VWA8: variants seen among roughly 807,000 people sequenced by gnomAD.
VWA8 encodes the protein von Willebrand factor A domain containing 8.
In VWA8, 221 loss-of-function variants were observed where a neutral mutation model predicts 241.5. The ratio of observed to expected loss-of-function variants is 0.91; its 90% confidence interval spans 0.82 to 1.02. VWA8 has a LOEUF of 1.02. Ranked by LOEUF, VWA8 falls within the 50% of genes least tolerant of loss-of-function variation. The pLI is 0.00. For synonymous variants in VWA8, 852 were observed against 827.1 expected, an observed-to-expected ratio of 1.03 and a Z score of -0.52; for missense variants, 2,322 against 2,328.7, an observed-to-expected ratio of 1.00 and a Z score of 0.06.
intron 9 of VWA8, among the ~76,000 whole-genome samples, chr13:41,880,993 T>C (rs1269850118): frequency 6.6e-6 from 1 of 152,218 alleles, no homozygotes; most frequent in African/African-American, 2.4e-5. Context: ...TTTTTCTATT[T>C]ATGTAATTCC....
At chr13:41,763,250 C>T (rs1390094475) in intron 20 of VWA8, among the ~76,000 whole-genome samples, 3 of 151,628 alleles carry the variant, frequency 2.0e-5, no homozygotes, top group Non-Finnish European at 4.4e-5. Context: ...GATCACACCA[C>T]TACATTACAG....
intron 10 of VWA8, 25 bp from the exon 11 acceptor site, chr13:41,866,061 A>T: frequency 6.2e-7 from 1 of 1,610,064 alleles, no homozygotes; most frequent in Non-Finnish European, 8.5e-7. Context: ...AGGTCAATAT[A>T]ACATGGCCAG....
In VWA8 at chr13:41,907,605, G is replaced by A. The variant is rs1470276403; in HGVS notation, c.464C>T (p.Thr155Ile). ...ACTTGCCTGATCAATGTAAAAGGCT[G>A]TGCCTGCACGGATCTCTCGTCGCTG... ...LKQRREIRAGTAFYIDQCAVR... is the reference protein window; with the variant it reads ...LKQRREIRAGIAFYIDQCAVR... The change falls in exon 4 of 45, where the codon ACA becomes ATA. Residue 155 changes from threonine (T) to isoleucine (I), a missense_variant. Thr to Ile is a moderately conservative substitution (Grantham distance 89). Coordinates refer to ENST00000379310, the MANE Select transcript of VWA8 (RefSeq NM_015058.2). 1 of 1,614,172 alleles carries A rather than the reference G, an allele frequency of 6.2e-7. No homozygotes were observed. The highest frequency in any genetic ancestry group is 8.5e-7 in the Non-Finnish European group (1 of 1,180,002).
intron 10 of VWA8, among the ~76,000 whole-genome samples, chr13:41,867,417 T>C (rs1295759830): frequency 6.6e-6 from 1 of 152,168 alleles, no homozygotes; most frequent in Non-Finnish European, 1.5e-5. Flanking sequence ...ACAGAGAGTA[T>C]AGTGGGGAAC....
At chr13:41,858,894 A>C (rs1872877845) in intron 12 of VWA8, among the ~76,000 whole-genome samples, 1 of 152,090 alleles carries the variant, frequency 6.6e-6, no homozygotes, top group East Asian at 1.9e-4. Flanking sequence ...GCAAGAAAAC[A>C]AGATGAGCTA....
At chr13:41,573,483 AAAAATATAT>A (rs1168766976) in intron 43 of VWA8, among the ~76,000 whole-genome samples, 1 of 128,588 alleles carries the variant, frequency 7.8e-6, no homozygotes, top group African/African-American at 3.1e-5. Context: ...TTAAAAAAAA[AAAAATATAT>A]ATATATATAT....
chr13:41,606,373 A>G (rs913629607), intron 39 of VWA8, among the ~76,000 whole-genome samples: 18 of 152,288 alleles, frequency 1.2e-4, no homozygotes, highest in Non-Finnish European at 1.3e-4. Context: ...CCGTCAGTAG[A>G]AAGTTCAGAG....
chr13:41,721,742 A>G (rs900502425), intron 24 of VWA8, among the ~76,000 whole-genome samples, 167 bp from the exon 25 acceptor site: 1 of 152,180 alleles, frequency 6.6e-6, no homozygotes, highest in Admixed American at 6.6e-5. Flanking sequence ...GAAGCAAAAG[A>G]AAAGAAAACT....
intron 2 of VWA8, among the ~76,000 whole-genome samples, chr13:41,915,518 T>C (rs1049429194): frequency 6.6e-6 from 1 of 152,268 alleles, no homozygotes; most frequent in Non-Finnish European, 1.5e-5. Flanking sequence ...CTGCCCAGTA[T>C]GTCAATGGCA....
At chr13:41,694,412 T>C (rs1238650918) in intron 29 of VWA8, among the ~76,000 whole-genome samples, 1 of 152,036 alleles carries the variant, frequency 6.6e-6, no homozygotes, top group East Asian at 1.9e-4. Flanking sequence ...CCTTAGAATG[T>C]ATCATTCTGT....
chr13:41,701,318 C>T (rs1317747609), intron 28 of VWA8, 74 bp downstream of exon 28: 1 of 1,466,078 alleles, frequency 6.8e-7, no homozygotes, highest in African/African-American at 1.4e-5. Flanking sequence ...TTTTTGATGT[C>T]TAGAGATTAT....
chr13:41,591,982 T>A (rs1183946202), intron 40 of VWA8, among the ~76,000 whole-genome samples: 1 of 146,422 alleles, frequency 6.8e-6, no homozygotes, highest in Non-Finnish European at 1.5e-5. Context: ...ACCCAAAGGA[T>A]TATAAATCAT....
chr13:41,746,565 C>G (rs553873524), intron 21 of VWA8, among the ~76,000 whole-genome samples: 1 of 152,204 alleles, frequency 6.6e-6, no homozygotes, highest in South Asian at 2.1e-4. Flanking sequence ...TCTAAAGGAC[C>G]ACAGGAATTA....
chr13:41,872,830 C>T (rs993231016), intron 9 of VWA8, among the ~76,000 whole-genome samples: 5 of 152,030 alleles, frequency 3.3e-5, no homozygotes, highest in African/African-American at 1.2e-4. Context: ...GTAGTTTTTT[C>T]CAATTCTGTG....
chr13:41,799,907 C>A (rs1869870868), intron 17 of VWA8, among the ~76,000 whole-genome samples: 1 of 152,078 alleles, frequency 6.6e-6, no homozygotes, highest in South Asian at 2.1e-4. Context: ...TAAAAAAGAT[C>A]CCCCGTACCC....
At chr13:41,604,676 A>T (rs1373246563) in intron 40 of VWA8, among the ~76,000 whole-genome samples, 1 of 152,156 alleles carries the variant, frequency 6.6e-6, no homozygotes, top group South Asian at 2.1e-4. Flanking sequence ...TTGGCTCCCA[A>T]CCTTCTTCCT....
intron 2 of VWA8, among the ~76,000 whole-genome samples, chr13:41,915,437 G>A (rs976990121): frequency 2.6e-5 from 4 of 152,210 alleles, no homozygotes; most frequent in East Asian, 1.9e-4. Flanking sequence ...AAAGCTTTGG[G>A]AAATGAGAAA....
chr13:41,800,273 C>T (rs193083924), intron 17 of VWA8, among the ~76,000 whole-genome samples: 2 of 152,220 alleles, frequency 1.3e-5, no homozygotes, highest in East Asian at 3.9e-4. Flanking sequence ...TTTTGTTTCT[C>T]TTGGATAGAT....
At chr13:41,893,021 T>C (rs1307790179) in intron 4 of VWA8, among the ~76,000 whole-genome samples, 1 of 152,236 alleles carries the variant, frequency 6.6e-6, no homozygotes, top group Non-Finnish European at 1.5e-5. Flanking sequence ...CATACCATAC[T>C]GCTTTACCAG....
Sources: allele counts gnomAD v4.1 joint callset (sites outside exome capture counted in the v4.1 genomes callset), GRCh38; gene constraint gnomAD v4.1.1; transcripts MANE v1.5; gene names NCBI Gene and HGNC (gene_info 2026-07-23, HGNC 2026-07-21).